CNTNAP2: variants seen among roughly 807,000 people sequenced by gnomAD.
CNTNAP2 encodes the protein contactin-associated protein-like 2.
A neutral mutation model predicts 155.2 loss-of-function variants in CNTNAP2; 98 were observed. That is an observed-to-expected ratio of 0.63 (90% confidence interval 0.54 to 0.75). The LOEUF is 0.75. Ranked by LOEUF, CNTNAP2 falls within the 30% of genes least tolerant of loss-of-function variation. CNTNAP2 has a pLI of 0.00. For synonymous variants in CNTNAP2, 651 were observed against 631.2 expected, an observed-to-expected ratio of 1.03 and a Z score of -0.47; for missense variants, 1,727 against 1,688.1, an observed-to-expected ratio of 1.02 and a Z score of -0.40.
intron 15 of CNTNAP2, among the ~76,000 whole-genome samples, chr7:148,094,608 C>G (rs1803922940): frequency 1.3e-5 from 2 of 152,094 alleles, no homozygotes; most frequent in Admixed American, 1.3e-4. Context: ...ACTGGAGAGA[C>G]TTTGGAGCTG....
intron 14 of CNTNAP2, among the ~76,000 whole-genome samples, chr7:147,930,139 A>G (rs1800472704): frequency 6.6e-6 from 1 of 152,222 alleles, no homozygotes; most frequent in Admixed American, 6.5e-5. Flanking sequence ...CAGAAAGAAA[A>G]AAAAACAGGA....
At chr7:146,322,782 A>G (rs1302357286) in intron 1 of CNTNAP2, among the ~76,000 whole-genome samples, 1 of 151,742 alleles carries the variant, frequency 6.6e-6, no homozygotes, top group Non-Finnish European at 1.5e-5. Flanking sequence ...GGTGGTGTTA[A>G]TGACATTGAG....
intron 15 of CNTNAP2, among the ~76,000 whole-genome samples, chr7:147,980,607 T>C (rs886968023): frequency 6.6e-6 from 1 of 152,010 alleles, no homozygotes; most frequent in Non-Finnish European, 1.5e-5. Context: ...CAGTCAGCAG[T>C]TGTGAAGCCC....
At chr7:147,541,088 C>G (rs1799630874) in intron 11 of CNTNAP2, among the ~76,000 whole-genome samples, 1 of 152,140 alleles carries the variant, frequency 6.6e-6, no homozygotes, top group Admixed American at 6.5e-5. Context: ...TGTTTAACAT[C>G]TACTTCTTTT....
rs377683004 is a variant in CNTNAP2 at position 147,104,979 on chromosome 7, A to G, written c.551-3168A>G. 3.4e-5 allele frequency among the ~76,000 whole-genome samples: 5 copies of G among 148,812 alleles called. No individual in the cohort carries two copies. The East Asian group carries it at 5.9e-4, about 18-fold the overall frequency. On this transcript the variant is annotated intron_variant, in intron 4 of 23. Transcript: ENST00000361727. ...TAGGTAAATATGTAAAATGTAGGAT[A>G]TGCACCAGTTAAGTACCCATTAACA...
intron 20 of CNTNAP2, among the ~76,000 whole-genome samples, chr7:148,233,640 G>A (rs997989208): frequency 1.3e-5 from 2 of 152,134 alleles, no homozygotes; most frequent in Admixed American, 6.5e-5. Flanking sequence ...CACGATAACA[G>A]CTCACATGTA....
intron 1 of CNTNAP2, among the ~76,000 whole-genome samples, chr7:146,178,412 T>G (rs2116831531): frequency 6.6e-6 from 1 of 152,334 alleles, no homozygotes; most frequent in East Asian, 1.9e-4. Context: ...ACTGTAAATT[T>G]TGATACATCA....
intron 1 of CNTNAP2, among the ~76,000 whole-genome samples, chr7:146,548,216 T>C (rs1379783971): frequency 9.9e-5 from 15 of 151,992 alleles, no homozygotes; most frequent in Admixed American, 9.9e-4. Context: ...GAACATGTGG[T>C]ATTTGGTTTT....
intron 8 of CNTNAP2, among the ~76,000 whole-genome samples, chr7:147,203,041 T>G (rs1802953655): frequency 6.6e-6 from 1 of 151,410 alleles, no homozygotes; most frequent in South Asian, 2.1e-4. Flanking sequence ...TCATTTTTGA[T>G]TATAGATGCT....
At chr7:147,318,338 A>G (rs901273173) in intron 9 of CNTNAP2, among the ~76,000 whole-genome samples, 3 of 152,092 alleles carry the variant, frequency 2.0e-5, no homozygotes, top group African/African-American at 7.2e-5. Context: ...GCTACTTGGG[A>G]GGCTGAGGCA....
intron 20 of CNTNAP2, among the ~76,000 whole-genome samples, chr7:148,262,736 T>G (rs548704070): frequency 3.9e-5 from 6 of 152,094 alleles, no homozygotes; most frequent in Admixed American, 2.0e-4. Context: ...CCAAGGAAGG[T>G]GACGCGCTCT....
intron 15 of CNTNAP2, among the ~76,000 whole-genome samples, chr7:148,085,555 A>G (rs1803708680): frequency 6.6e-6 from 1 of 152,150 alleles, no homozygotes; most frequent in African/African-American, 2.4e-5. Context: ...TCAGCTCCCA[A>G]ATTGAAAAGA....
chr7:147,728,211 G>C (rs1180323099), intron 13 of CNTNAP2, among the ~76,000 whole-genome samples: 1 of 151,672 alleles, frequency 6.6e-6, no homozygotes, highest in Non-Finnish European at 1.5e-5. Context: ...AATTCTTTCA[G>C]CTTAGTAAAA....
chr7:147,572,723 CACACACACACAT>C (rs1800319442), intron 12 of CNTNAP2, among the ~76,000 whole-genome samples: 1 of 110,034 alleles, frequency 9.1e-6, no homozygotes, highest in African/African-American at 3.3e-5. Context: ...CACACACACA[CACACACACACAT>C]GTTGGGAAAT....
In CNTNAP2 at chr7:147,108,260, G is replaced by A; in HGVS notation, c.664G>A (p.Glu222Lys). The A allele has an allele frequency of 6.2e-7, 1 of 1,613,776 alleles. No individual in the cohort carries two copies. Among genetic ancestry groups the A allele is most frequent in the Non-Finnish European group, 8.5e-7 (1 of 1,179,812 alleles). ...CTTGAACTTTAAGACGTCTGAAAGTGAAGGAGTAATCCTGCACGGAGAAGG... is the reference window on the plus strand; with the variant it reads ...CTTGAACTTTAAGACGTCTGAAAGTAAAGGAGTAATCCTGCACGGAGAAGG... Reference protein sequence around the residue: ...IALNFKTSESEGVILHGEGQQ... With the variant: ...IALNFKTSESKGVILHGEGQQ... The change falls in exon 5 of 24, where the codon GAA (glutamate) becomes AAA (lysine). Residue 222 changes from glutamate (E) to lysine (K), a missense_variant. Coordinates refer to ENST00000361727, the MANE Select transcript of CNTNAP2 (RefSeq NM_014141.6).
intron 1 of CNTNAP2, among the ~76,000 whole-genome samples, chr7:146,743,667 A>G (rs952067377): frequency 2.6e-5 from 4 of 152,174 alleles, no homozygotes; most frequent in Non-Finnish European, 5.9e-5. Context: ...ATAATATTGT[A>G]ATATGACAAT....
intron 2 of CNTNAP2, among the ~76,000 whole-genome samples, chr7:146,777,262 A>G (rs113602558): frequency 0.028 from 4,338 of 152,292 alleles, 105 homozygotes; most frequent in Middle Eastern, 0.095. Flanking sequence ...GCAGCTACGT[A>G]CTTTTTGGCT....
intron 21 of CNTNAP2, among the ~76,000 whole-genome samples, chr7:148,322,029 T>C (rs1455678841): frequency 6.7e-6 from 1 of 150,254 alleles, no homozygotes; most frequent in African/African-American, 2.4e-5. Flanking sequence ...TCAGCACCCG[T>C]CCCCCTCCCC....
At chr7:146,517,779 G>A (rs1797562589) in intron 1 of CNTNAP2, among the ~76,000 whole-genome samples, 1 of 151,888 alleles carries the variant, frequency 6.6e-6, no homozygotes, top group Non-Finnish European at 1.5e-5. Context: ...ACAACAGAGA[G>A]GTGGTTAGCA....
Sources: gnomAD v4.1 joint callset for allele counts (sites outside exome capture counted in the v4.1 genomes callset) on GRCh38, gnomAD v4.1.1 for gene constraint, MANE v1.5 for transcripts, NCBI Gene and HGNC (gene_info 2026-07-23, HGNC 2026-07-21) for gene names.